ZBTB20: variants seen among roughly 807,000 people sequenced by gnomAD.
The protein encoded by ZBTB20 is zinc finger and BTB domain-containing protein 20.
In ZBTB20, 9 loss-of-function variants were observed where a neutral mutation model predicts 56.9. The ratio of observed to expected loss-of-function variants is 0.16; its 90% CI spans 0.10 to 0.28. The LOEUF is 0.28. Among genes scored for constraint, ZBTB20 ranks in the 10% least tolerant of loss-of-function variants. The pLI is 1.00. For missense variants in ZBTB20, 655 were observed against 1,003.0 expected, an observed-to-expected ratio of 0.65 and a Z score of 4.69; for synonymous variants, 417 against 420.7, an observed-to-expected ratio of 0.99 and a Z score of 0.11.
intron 1 of ZBTB20, among the ~76,000 whole-genome samples, chr3:115,093,997 G>T (rs901272648): frequency 8.6e-5 from 13 of 151,988 alleles, no homozygotes; most frequent in Admixed American, 8.5e-4. Flanking sequence ...AGCTTCAAAA[G>T]CACCAACCCC....
chr3:114,409,848 T>C (rs1363224777), intron 7 of ZBTB20, among the ~76,000 whole-genome samples: 1 of 152,158 alleles, frequency 6.6e-6, no homozygotes, highest in Admixed American at 6.5e-5. Flanking sequence ...CCTAGTTGTT[T>C]AGAGACTTTG....
At chr3:114,714,752 G>A (rs2064343571) in intron 5 of ZBTB20, among the ~76,000 whole-genome samples, 1 of 152,148 alleles carries the variant, frequency 6.6e-6, no homozygotes, top group Non-Finnish European at 1.5e-5. Flanking sequence ...CAGGCATTAT[G>A]CAAATGACAA....
chr3:114,569,146 T>A (rs1336597059), intron 6 of ZBTB20, among the ~76,000 whole-genome samples: 1 of 152,252 alleles, frequency 6.6e-6, no homozygotes, highest in African/African-American at 2.4e-5. Flanking sequence ...TATTTCTTGA[T>A]GAAAACATTG....
intron 6 of ZBTB20, among the ~76,000 whole-genome samples, chr3:114,558,969 C>T (rs2051638098): frequency 6.6e-6 from 1 of 152,160 alleles, no homozygotes; most frequent in Non-Finnish European, 1.5e-5. Context: ...CAGGTCTCAA[C>T]CAAATGCCAT....
intron 2 of ZBTB20, among the ~76,000 whole-genome samples, chr3:115,051,939 AC>A (rs2081566241): frequency 6.6e-6 from 1 of 151,990 alleles, no homozygotes; most frequent in Non-Finnish European, 1.5e-5. Flanking sequence ...AGTGCTACAC[AC>A]TTTTAACCAA....
chr3:114,654,168 C>T (rs182297638), intron 6 of ZBTB20, among the ~76,000 whole-genome samples: 50 of 151,802 alleles, frequency 3.3e-4, no homozygotes, highest in African/African-American at 1.2e-3. Flanking sequence ...ATTATACTTT[C>T]CCACTTTCTT....
chr3:115,072,937 G>A (rs898969841), intron 1 of ZBTB20, among the ~76,000 whole-genome samples: 1 of 152,152 alleles, frequency 6.6e-6, no homozygotes, highest in African/African-American at 2.4e-5. Flanking sequence ...TTGGTCAAAT[G>A]AAAATAATAT....
At chr3:114,879,857 A>G (rs2076332435) in intron 4 of ZBTB20, among the ~76,000 whole-genome samples, 1 of 152,152 alleles carries the variant, frequency 6.6e-6, no homozygotes. Flanking sequence ...CACCTCCCCA[A>G]TGCATGTTAC....
intron 7 of ZBTB20, among the ~76,000 whole-genome samples, chr3:114,464,395 G>C (rs569407398): frequency 1.3e-5 from 2 of 152,158 alleles, no homozygotes; most frequent in African/African-American, 4.8e-5. Context: ...TAGGAATTCA[G>C]CTTATGTGTC....
At chr3:114,856,432 T>G (rs1207170849) in intron 4 of ZBTB20, among the ~76,000 whole-genome samples, 1 of 152,108 alleles carries the variant, frequency 6.6e-6, no homozygotes, top group Non-Finnish European at 1.5e-5. Flanking sequence ...AGCAGACAAT[T>G]CAGCCTGTGA....
rs1425720616 is a variant in ZBTB20 at position 114,322,615 on chromosome 3, AG to A, written c.*16389del. 1 of 152,210 alleles carries A rather than the reference AG, an allele frequency of 6.6e-6. No individual in the cohort carries two copies. 9.4% of individuals were successfully genotyped at this position (152,210 alleles called of 1,614,324 possible). On this transcript the variant is annotated 3_prime_UTR_variant, in exon 12 of 12. Transcript: ENST00000675478. ...TAAAAAGTCAATCATTTCTTTCTAT[AG>A]CTTTGGTTTGGTGCAGTCAATGTCC...
chr3:114,707,942 A>T (rs1424251998), intron 5 of ZBTB20, among the ~76,000 whole-genome samples: 1 of 152,130 alleles, frequency 6.6e-6, no homozygotes, highest in African/African-American at 2.4e-5. Context: ...TACCTTATCA[A>T]TCATGGTACT....
intron 7 of ZBTB20, among the ~76,000 whole-genome samples, chr3:114,490,981 T>C (rs1363084122): frequency 6.6e-6 from 1 of 152,226 alleles, no homozygotes; most frequent in East Asian, 1.9e-4. Flanking sequence ...CCTGGTGTTT[T>C]GGACCAGATA....
At chr3:115,039,856 A>T (rs7615615) in intron 2 of ZBTB20, among the ~76,000 whole-genome samples, 13,458 of 152,022 alleles carry the variant, frequency 0.089, 1,740 homozygotes, top group African/African-American at 0.28. Context: ...AGGAGATATA[A>T]ATTATGGCCA....
intron 6 of ZBTB20, among the ~76,000 whole-genome samples, chr3:114,572,198 C>T (rs1262264099): frequency 1.3e-5 from 2 of 152,196 alleles, no homozygotes; most frequent in African/African-American, 4.8e-5. Context: ...TACTACTGTA[C>T]TTTAACTCAG....
rs1166034626 is a variant in ZBTB20, at chr3:114,321,046, T to C, written c.*17959A>G. 2 of 152,152 alleles carry C rather than the reference T, an allele frequency of 1.3e-5. No individual in the cohort carries two copies. Among genetic ancestry groups the C allele is most frequent in the Non-Finnish European group, 2.9e-5 (2 of 68,040 alleles). The allele number at this position is 152,152 out of a possible 1,614,324, so 9.4% of individuals were successfully genotyped here. ...TGAGCCAGCCAAAGCCTCCAAGTTA[T>C]GTTAGGTGGACAGTAAGACCAGGTG... On this transcript the variant is annotated 3_prime_UTR_variant, in exon 12 of 12. Coordinates refer to ENST00000675478, the MANE Select transcript of ZBTB20 (RefSeq NM_001348800.3).
intron 5 of ZBTB20, among the ~76,000 whole-genome samples, chr3:114,735,769 ATATAT>A (rs1376511797): frequency 4.6e-5 from 7 of 152,144 alleles, no homozygotes; most frequent in Admixed American, 1.3e-4. Context: ...TTCAATCAAA[ATATAT>A]TATATTGAAA....
intron 6 of ZBTB20, among the ~76,000 whole-genome samples, chr3:114,516,007 T>A: frequency 9.3e-6 from 1 of 107,336 alleles, no homozygotes; most frequent in Admixed American, 9.1e-5. Context: ...TTAAACAATT[T>A]TTTTTTTTTT....
chr3:114,944,495 A>T (rs1289036474), intron 3 of ZBTB20, among the ~76,000 whole-genome samples: 1 of 145,682 alleles, frequency 6.9e-6, no homozygotes, highest in Admixed American at 6.6e-5. Context: ...ATCCTGAGGA[A>T]CTGACGTTAG....
Sources: gnomAD v4.1 joint callset for allele counts (sites outside exome capture counted in the v4.1 genomes callset) on GRCh38, gnomAD v4.1.1 for gene constraint, MANE v1.5 for transcripts, NCBI Gene and HGNC (gene_info 2026-07-23, HGNC 2026-07-21) for gene names.